SLC2A9: variants seen among roughly 807,000 people sequenced by gnomAD.
SLC2A9 encodes the protein solute carrier family 2, facilitated glucose transporter member 9.
SLC2A9 carries 39 observed loss-of-function variants against 50.6 expected under a neutral mutation model. The ratio of observed to expected loss-of-function variants is 0.77; its 90% CI spans 0.60 to 1.01. The LOEUF (loss-of-function observed/expected upper bound fraction) is 1.01. SLC2A9 is among the 50% of genes least tolerant of loss of function. The pLI is 0.00. For missense variants in SLC2A9, 686 were observed against 677.6 expected (o/e 1.01, Z -0.14); for synonymous variants, 324 against 276.9 (o/e 1.17, Z -1.69).
intron 2 of SLC2A9, among the ~76,000 whole-genome samples, chr4:10,016,156 A>T (rs1762575302): frequency 6.6e-6 from 1 of 152,218 alleles, no homozygotes; most frequent in South Asian, 2.1e-4. Context: ...TGCTGCGCAT[A>T]CTGGCCACAG....
chr4:9,897,205 T>C (rs1171455995), intron 8 of SLC2A9, among the ~76,000 whole-genome samples: 1 of 152,136 alleles, frequency 6.6e-6, no homozygotes, highest in African/African-American at 2.4e-5. Context: ...CTGAGGCAAA[T>C]ACACATTCAC....
rs150811160 is a variant in SLC2A9 at position 9,873,096 on chromosome 4, T to C, written c.1291+14471A>G. Among the ~76,000 whole-genome samples the C allele has an allele frequency of 8.2e-4, 125 of 152,322 alleles. 1 individual carries two copies. Among genetic ancestry groups the C allele is most frequent in the Admixed American group, 4.9e-3 (75 of 15,304 alleles). ...TAGCAATTTGTGTCCTTATTGAACA[T>C]TCCTCAGAATACTCCAGTTTGAGTG... On this transcript the variant is annotated intron_variant, in intron 10 of 11. Transcript: ENST00000264784.
chr4:9,854,825 T>C (rs1055610879), intron 10 of SLC2A9, among the ~76,000 whole-genome samples: 3 of 152,218 alleles, frequency 2.0e-5, no homozygotes, highest in African/African-American at 7.2e-5. Flanking sequence ...AATCAATAGA[T>C]GTGACTCATC....
chr4:9,826,784 T>C (rs372636452), intron 11 of SLC2A9, among the ~76,000 whole-genome samples, 184 bp from the exon 12 acceptor site: 9 of 152,346 alleles, frequency 5.9e-5, no homozygotes, highest in African/African-American at 2.2e-4. Context: ...CACATAAGGC[T>C]TGAATAAATC....
chr4:9,798,291 G>C (rs1162563514), downstream of SLC2A9, among the ~76,000 whole-genome samples: 16 of 152,206 alleles, frequency 1.1e-4, no homozygotes, highest in Middle Eastern at 3.2e-3. Flanking sequence ...CAATCATTAA[G>C]CTAAATACTC....
intron 3 of SLC2A9, among the ~76,000 whole-genome samples, chr4:9,804,574 G>GC (rs2108953537): frequency 6.6e-6 from 1 of 152,246 alleles, no homozygotes; most frequent in African/African-American, 2.4e-5. Flanking sequence ...TTACCTGCCT[G>GC]CCTACTGTGA....
At chr4:9,990,843 T>C (rs1042664533) in intron 3 of SLC2A9, among the ~76,000 whole-genome samples, 1 of 152,218 alleles carries the variant, frequency 6.6e-6, no homozygotes, top group Non-Finnish European at 1.5e-5. Context: ...ATTCTCACTA[T>C]GCTTAGAAGA....
intron 8 of SLC2A9, 35 bp downstream of exon 8, chr4:9,908,200 G>T: frequency 7.1e-7 from 1 of 1,414,770 alleles, no homozygotes; most frequent in Non-Finnish European, 1.0e-6. Context: ...GTAACCCCCT[G>T]TGGCATTCTC....
chr4:9,819,315 C>T (rs189035155), intron 3 of SLC2A9, among the ~76,000 whole-genome samples: 3 of 152,240 alleles, frequency 2.0e-5, no homozygotes, highest in East Asian at 1.9e-4. Context: ...ATTGGAGTTC[C>T]CACTGCTCCA....
intron 10 of SLC2A9, among the ~76,000 whole-genome samples, chr4:9,855,984 T>C (rs920630773): frequency 6.6e-6 from 1 of 152,156 alleles, no homozygotes; most frequent in Non-Finnish European, 1.5e-5. Context: ...AAGACTTAAA[T>C]GTAAAAACCT....
chr4:9,881,642 G>A (rs1449661522), intron 10 of SLC2A9, among the ~76,000 whole-genome samples: 1 of 152,172 alleles, frequency 6.6e-6, no homozygotes, highest in Non-Finnish European at 1.5e-5. Flanking sequence ...CTTTGCTGGT[G>A]GGTCACACAA....
At chr4:9,963,390 C>A (rs1179672711) in intron 5 of SLC2A9, among the ~76,000 whole-genome samples, 4 of 152,176 alleles carry the variant, frequency 2.6e-5, no homozygotes, top group African/African-American at 4.8e-5. Context: ...TTCATAATTC[C>A]AAGGTCAAGG....
intron 3 of SLC2A9, among the ~76,000 whole-genome samples, chr4:9,788,618 T>G (rs1719519000): frequency 6.6e-6 from 1 of 152,126 alleles, no homozygotes; most frequent in Non-Finnish European, 1.5e-5. Flanking sequence ...AACACAATGC[T>G]CAGTCTAGGG....
intron 10 of SLC2A9, among the ~76,000 whole-genome samples, chr4:9,883,475 G>C (rs1735601144): frequency 6.6e-6 from 1 of 152,210 alleles, no homozygotes; most frequent in East Asian, 1.9e-4. Context: ...TTCATTTGTA[G>C]ATGAGAGTGG....
At chr4:9,939,173 G>C (rs575296122) in intron 6 of SLC2A9, among the ~76,000 whole-genome samples, 42 of 152,234 alleles carry the variant, frequency 2.8e-4, no homozygotes, top group African/African-American at 1.0e-3. Context: ...GGCCAGCTGG[G>C]GATGAGGTGC....
chr4:9,907,189 G>A (rs551766355), intron 8 of SLC2A9, among the ~76,000 whole-genome samples: 1 of 152,346 alleles, frequency 6.6e-6, no homozygotes, highest in East Asian at 1.9e-4. Context: ...TTGGAAGGGA[G>A]CCTAACTGTG....
intron 10 of SLC2A9, among the ~76,000 whole-genome samples, chr4:9,874,366 C>T (rs944791868): frequency 6.6e-5 from 10 of 152,206 alleles, no homozygotes; most frequent in African/African-American, 2.2e-4. Flanking sequence ...CTCCAGATGC[C>T]CTCTCTGATG....
In SLC2A9 at chr4:9,948,400, G is replaced by A. The variant is rs1332959285; in HGVS notation, c.682-6355C>T. ...GCTCTCCAGGTGACTCTAATGTAGA[G>A]CTATTTGACGGCCACTGTCCTAGGG... On this transcript the variant is annotated intron_variant, in intron 5 of 11. Transcript: ENST00000264784. 3.3e-5 allele frequency among the ~76,000 whole-genome samples: 5 copies of A among 152,304 alleles called. No homozygotes were observed. In the East Asian group the frequency reaches 7.7e-4, roughly 24 times the overall value.
intron 3 of SLC2A9, among the ~76,000 whole-genome samples, chr4:9,992,090 T>C (rs1018205196): frequency 1.4e-4 from 21 of 152,312 alleles, no homozygotes; most frequent in South Asian, 1.2e-3. Context: ...CCTGGAGTGA[T>C]GTATGGGATG....
Sources: gnomAD v4.1 joint callset for allele counts (sites outside exome capture counted in the v4.1 genomes callset) on GRCh38, gnomAD v4.1.1 for gene constraint, MANE v1.5 for transcripts, NCBI Gene and HGNC (gene_info 2026-07-23, HGNC 2026-07-21) for gene names.